The following ASH1L variants were observed in gnomAD, a reference collection of about 807,000 sequenced individuals.
ASH1L encodes the protein histone-lysine N-methyltransferase ASH1L.
A neutral mutation model predicts 269.0 loss-of-function variants in ASH1L; 23 were observed. The ratio of observed to expected loss-of-function variants is 0.09; its 90% confidence interval spans 0.06 to 0.12. The LOEUF (loss-of-function observed/expected upper bound fraction) is 0.12. ASH1L is among the 10% of genes least tolerant of loss of function. ASH1L has a pLI of 1.00. For missense variants in ASH1L, 2,912 were observed against 3,567.8 expected (o/e 0.82, Z 4.68); for synonymous variants, 1,187 against 1,253.5 (o/e 0.95, Z 1.12).
chr1:155,414,460 C>T (rs569077503), intron 6 of ASH1L, among the ~76,000 whole-genome samples: 1 of 152,214 alleles, frequency 6.6e-6, no homozygotes, highest in African/African-American at 2.4e-5. Context: ...CAGGCATGTG[C>T]CACCACACTC....
intron 15 of ASH1L, among the ~76,000 whole-genome samples, chr1:155,355,882 G>A (rs1052622359): frequency 1.3e-5 from 2 of 149,298 alleles, no homozygotes; most frequent in Non-Finnish European, 3.0e-5. Context: ...CCTTTCTATT[G>A]CTCTGTTAAT....
chr1:155,440,975 T>C (rs1662512213), intron 4 of ASH1L, among the ~76,000 whole-genome samples: 1 of 152,184 alleles, frequency 6.6e-6, no homozygotes, highest in Admixed American at 6.6e-5. Flanking sequence ...GGCCACATCA[T>C]TTATTCTGGC....
chr1:155,433,546 G>T (rs1661791253), intron 5 of ASH1L: 1 of 1,610,614 alleles, frequency 6.2e-7, no homozygotes, highest in South Asian at 1.1e-5. Context: ...CTGGTGCCGT[G>T]AAACTGGAGA....
At chr1:155,502,544 A>T (rs1442405789) in intron 2 of ASH1L, among the ~76,000 whole-genome samples, 1 of 152,230 alleles carries the variant, frequency 6.6e-6, no homozygotes, top group Non-Finnish European at 1.5e-5. Context: ...TGCTCATAAA[A>T]AGCACAAACT....
chr1:155,357,881 C>T, intron 13 of ASH1L, 132 bp from the exon 14 acceptor site: 2 of 792,114 alleles, frequency 2.5e-6, no homozygotes, highest in Non-Finnish European at 3.8e-6. Context: ...ACTGATCCTC[C>T]TATCTCAGCC....
In ASH1L at chr1:155,481,286, A is replaced by G. The variant is rs750641645; in HGVS notation, c.1584T>C (p.Thr528=). Residue 528 remains threonine (T), a synonymous_variant, in exon 3 of 28, where the codon ACT becomes ACC. Coordinates refer to ENST00000392403, the MANE Select transcript of ASH1L (RefSeq NM_018489.3). ...CACCTCCCATTTTAAAGTCCGGAGA[A>G]GTGCAATATACAGGAGGCTGCTTTT... ...KHEKQPPVYC[T]SPDFKMGGAS... is the part of the protein sequence containing the mutation. 1.9e-6 allele frequency: 3 copies of G among 1,614,148 alleles called. No individual in the cohort carries two copies. The highest frequency in any genetic ancestry group is 1.7e-6 in the Non-Finnish European group (2 of 1,179,992).
intron 8 of ASH1L, 123 bp downstream of exon 8, chr1:155,379,920 C>G (rs1656791829): frequency 2.9e-6 from 2 of 690,258 alleles, no homozygotes; most frequent in Non-Finnish European, 5.0e-6. Flanking sequence ...CTAACCTTCA[C>G]AGGGACACTT....
intron 5 of ASH1L, among the ~76,000 whole-genome samples, chr1:155,420,423 TCAAA>T (rs1019203762): frequency 1.4e-5 from 2 of 141,028 alleles, no homozygotes; most frequent in African/African-American, 5.3e-5. Flanking sequence ...TAGATATAAA[TCAAA>T]CAAAATAATA....
intron 12 of ASH1L, among the ~76,000 whole-genome samples, chr1:155,367,129 G>A (rs914350810): frequency 2.0e-5 from 3 of 151,856 alleles, no homozygotes; most frequent in African/African-American, 7.3e-5. Flanking sequence ...AAGTAGCTGG[G>A]ACTACAGGTG....
At chr1:155,348,741 C>T (rs1348434384) in intron 19 of ASH1L, among the ~76,000 whole-genome samples, 2 of 151,986 alleles carry the variant, frequency 1.3e-5, no homozygotes, top group African/African-American at 4.8e-5. Flanking sequence ...ATTAGCCAGG[C>T]ATGGTGGCAG....
chr1:155,479,532 C>A lies in ASH1L; in HGVS notation c.3338G>T (p.Gly1113Val), dbSNP rs1225778787. Reference protein sequence around the residue: ...LPSPICSQSSGTSGGQSPVSS... With the variant: ...LPSPICSQSSVTSGGQSPVSS... Reference sequence around the variant, plus strand: ...TACAGGGCTCTGACCTCCACTAGTCCCAGAAGACTGAGAGCAAATAGGTGA... The same window carrying A: ...TACAGGGCTCTGACCTCCACTAGTCACAGAAGACTGAGAGCAAATAGGTGA... The change falls in exon 3 of 28, where the codon GGG (glycine) becomes GTG (valine). Residue 1113 changes from glycine (G) to valine (V), a missense_variant. By Grantham distance (109) the Gly-to-Val change is moderately radical. This residue lies in a region of ASH1L where 157 missense variants were observed against 154.6 expected (regional missense o/e 1.02). Coordinates refer to ENST00000392403, the MANE Select transcript of ASH1L (RefSeq NM_018489.3). The A allele has an allele frequency of 1.4e-5, 23 of 1,614,090 alleles. No homozygotes were observed. Among genetic ancestry groups the A allele is most frequent in the Non-Finnish European group, 1.9e-5 (22 of 1,180,006 alleles).
intron 17 of ASH1L, among the ~76,000 whole-genome samples, chr1:155,351,077 A>AAC (rs111718318): frequency 4.7e-5 from 7 of 149,164 alleles, no homozygotes; most frequent in South Asian, 2.1e-4. Context: ...CTCTACTAAA[A>AAC]ACACACACAC....
chr1:155,433,079 T>G, intron 5 of ASH1L: 1 of 1,241,092 alleles, frequency 8.1e-7, no homozygotes, highest in Non-Finnish European at 1.1e-6. Flanking sequence ...GCTTCAATAA[T>G]TAAACTGCTA....
In ASH1L at chr1:155,521,233, G is replaced by A; in HGVS notation, c.287C>T (p.Thr96Ile). Residue 96 changes from threonine (T) to isoleucine (I), a missense_variant, in exon 2 of 28, where the codon ACT becomes ATT. Transcript: ENST00000392403. ...KLKIGLQAKR[T>I]KKPPKNLENY... ...CTCCAAGTTCTTTGGAGGTTTTTTAGTTCTCTTAGCCTGGAGGCCAATTTT... is the reference window on the plus strand; with the variant it reads ...CTCCAAGTTCTTTGGAGGTTTTTTAATTCTCTTAGCCTGGAGGCCAATTTT... The A allele has an allele frequency of 6.2e-7, 1 of 1,614,060 alleles. No homozygotes were observed. Among genetic ancestry groups the A allele is most frequent in the Non-Finnish European group, 8.5e-7 (1 of 1,180,000 alleles).
chr1:155,356,567 G>A (rs533610280), intron 15 of ASH1L, among the ~76,000 whole-genome samples: 39 of 151,294 alleles, frequency 2.6e-4, no homozygotes, highest in African/African-American at 9.0e-4. Context: ...CCCAGGAGGC[G>A]GAGCTTGCAG....
rs1216161825 is a variant in ASH1L at position 155,354,537 on chromosome 1, A to T, written c.7149T>A (p.Ile2383=). The change falls in exon 16 of 28, where the codon ATT becomes ATA. Residue 2383 remains isoleucine, a synonymous_variant. Transcript: ENST00000392403. ...AACGGGTATATAATGATGCTGAGTG[A>T]ATATTATCACTGGTGTGCTTTACTT... ...QEEVKHTSDN[I]HSASLYTRWN... The T allele has an allele frequency of 6.2e-7, 1 of 1,614,016 alleles. No individual in the cohort carries two copies. Among genetic ancestry groups the T allele is most frequent in the South Asian group, 1.1e-5 (1 of 91,042 alleles).
At chr1:155,433,043 A>G in intron 5 of ASH1L, 1 of 1,017,326 alleles carries the variant, frequency 9.8e-7, no homozygotes. Flanking sequence ...AAAGGCAGAA[A>G]TCATCCTCCT....
At chr1:155,421,345 A>C (rs1014785651) in intron 5 of ASH1L, among the ~76,000 whole-genome samples, 4 of 141,348 alleles carry the variant, frequency 2.8e-5, no homozygotes, top group Non-Finnish European at 6.1e-5. Context: ...TTTTTTGAGA[A>C]AATGCCAAGA....
intron 5 of ASH1L, among the ~76,000 whole-genome samples, chr1:155,430,101 G>A (rs1436508615): frequency 6.6e-6 from 1 of 151,742 alleles, no homozygotes; most frequent in Non-Finnish European, 1.5e-5. Flanking sequence ...TCAGCCTCCC[G>A]AGTAGCTGGG....
Sources: allele counts gnomAD v4.1 joint callset (sites outside exome capture counted in the v4.1 genomes callset), GRCh38; gene constraint gnomAD v4.1.1; regional missense constraint gnomAD v4.1.1; transcripts MANE v1.5; gene names NCBI Gene and HGNC (gene_info 2026-07-23, HGNC 2026-07-21).